TENM4: variants seen among roughly 807,000 people sequenced by gnomAD.
The protein encoded by TENM4 is teneurin transmembrane protein 4.
Under a neutral mutation model 243.3 loss-of-function variants are expected in TENM4, and 82 were observed. The ratio of observed to expected loss-of-function variants is 0.34; its 90% CI spans 0.28 to 0.40. The LOEUF (loss-of-function observed/expected upper bound fraction) is 0.40. TENM4 is among the 10% of genes least tolerant of loss of function. TENM4 has a pLI of 1.00. For synonymous variants in TENM4, 1,412 were observed against 1,456.3 expected (o/e 0.97, Z 0.69); for missense variants, 3,138 against 3,673.3 (o/e 0.85, Z 3.77).
intron 6 of TENM4, among the ~76,000 whole-genome samples, chr11:79,036,581 T>G (rs1412177494): frequency 1.3e-5 from 2 of 152,142 alleles, no homozygotes; most frequent in African/African-American, 4.8e-5. Context: ...GCTTTAGCCC[T>G]AAGTGGGGAA....
intron 3 of TENM4, among the ~76,000 whole-genome samples, chr11:79,187,435 C>A (rs900521690): frequency 1.3e-5 from 2 of 152,222 alleles, no homozygotes; most frequent in Non-Finnish European, 2.9e-5. Flanking sequence ...CCAGAAAGTG[C>A]TTCCTAAATA....
intron 6 of TENM4, among the ~76,000 whole-genome samples, chr11:79,044,775 A>C (rs764237982): frequency 4.6e-5 from 7 of 152,180 alleles, no homozygotes; most frequent in Non-Finnish European, 1.0e-4. Context: ...CTTGGGTTAA[A>C]ACGGAAAACA....
At chr11:78,981,470 C>T (rs969876082) in intron 6 of TENM4, among the ~76,000 whole-genome samples, 1 of 152,214 alleles carries the variant, frequency 6.6e-6, no homozygotes, top group Admixed American at 6.5e-5. Context: ...GCTAGCCACA[C>T]TGTGGTTATG....
At chr11:79,400,951 G>A (rs1858448660) in intron 1 of TENM4, among the ~76,000 whole-genome samples, 1 of 152,186 alleles carries the variant, frequency 6.6e-6, no homozygotes, top group Non-Finnish European at 1.5e-5. Context: ...GTCAGACTTG[G>A]GACAGCAGGT....
chr11:78,674,774 T>C (rs2135690511), intron 30 of TENM4, among the ~76,000 whole-genome samples: 1 of 152,232 alleles, frequency 6.6e-6, no homozygotes, highest in African/African-American at 2.4e-5. Flanking sequence ...CTCTTGGCTG[T>C]TGAGGGAACA....
intron 3 of TENM4, among the ~76,000 whole-genome samples, chr11:79,181,194 T>G (rs1048297851): frequency 6.6e-6 from 1 of 152,042 alleles, no homozygotes; most frequent in African/African-American, 2.4e-5. Flanking sequence ...AATCTTCAAC[T>G]AAATATTAGC....
At chr11:78,978,008 G>A (rs11237672) in intron 6 of TENM4, among the ~76,000 whole-genome samples, 11,423 of 152,176 alleles carry the variant, frequency 0.075, 1,159 homozygotes, top group African/African-American at 0.22. Flanking sequence ...TATACACCAT[G>A]GAATACTATG....
At chr11:78,702,724 C>A (rs749359297) in intron 27 of TENM4, among the ~76,000 whole-genome samples, 13 of 152,168 alleles carry the variant, frequency 8.5e-5, no homozygotes, top group Non-Finnish European at 1.8e-4. Flanking sequence ...CTACTTATGA[C>A]TGTGGGCAAG....
intron 1 of TENM4, among the ~76,000 whole-genome samples, chr11:79,378,551 C>T (rs1185955215): frequency 2.6e-5 from 4 of 152,146 alleles, no homozygotes; most frequent in African/African-American, 4.8e-5. Flanking sequence ...CCACACTCCA[C>T]CTTATGTCCA....
intron 4 of TENM4, among the ~76,000 whole-genome samples, chr11:79,140,353 T>C (rs377033165): frequency 6.6e-6 from 1 of 152,138 alleles, no homozygotes; most frequent in African/African-American, 2.4e-5. Flanking sequence ...TGCCCTTACT[T>C]TGATGGTCTG....
intron 1 of TENM4, among the ~76,000 whole-genome samples, chr11:79,321,880 T>C (rs1442357521): frequency 1.3e-5 from 2 of 152,232 alleles, no homozygotes; most frequent in South Asian, 2.1e-4. Context: ...TCCCTGTGCA[T>C]TGTGGGAATA....
intron 7 of TENM4, among the ~76,000 whole-genome samples, chr11:78,891,604 G>C (rs1360487996): frequency 6.6e-6 from 1 of 152,210 alleles, no homozygotes; most frequent in Non-Finnish European, 1.5e-5. Context: ...ACTGACATGT[G>C]TCCGGGACTG....
At chr11:79,027,340 C>A (rs1859106547) in intron 6 of TENM4, among the ~76,000 whole-genome samples, 1 of 152,192 alleles carries the variant, frequency 6.6e-6, no homozygotes, top group African/African-American at 2.4e-5. Context: ...TGATTCCCAT[C>A]TATATTTCTA....
chr11:79,304,258 A>T (rs1856592650), intron 1 of TENM4, among the ~76,000 whole-genome samples: 1 of 152,192 alleles, frequency 6.6e-6, no homozygotes, highest in Non-Finnish European at 1.5e-5. Context: ...CCCTGCTCAC[A>T]AAGTCCCAGG....
chr11:79,017,585 TG>T (rs3085846), intron 6 of TENM4, among the ~76,000 whole-genome samples: 1 of 151,288 alleles, frequency 6.6e-6, no homozygotes, highest in Non-Finnish European at 1.5e-5. Context: ...TTGGGAATGG[TG>T]GGGGGAGAAG....
rs75819769 is a variant in TENM4, at chr11:79,280,913, T to G, written c.-265+16575A>C. ...TGGCCCACTCGGCAAAATAAACACA[T>G]AAAATGAGGTGGTTTAACATCTTTT... On this transcript the variant is annotated intron_variant, in intron 2 of 33. Coordinates refer to ENST00000278550, the MANE Select transcript of TENM4 (RefSeq NM_001098816.3). Among the ~76,000 whole-genome samples the G allele has an allele frequency of 4.0e-3, 610 of 152,278 alleles. 5 individuals carry two copies. Among genetic ancestry groups the G allele is most frequent in the African/African-American group, 0.014 (577 of 41,580 alleles).
chr11:79,336,989 G>C (rs972610285), intron 1 of TENM4, among the ~76,000 whole-genome samples: 2 of 152,212 alleles, frequency 1.3e-5, no homozygotes, highest in African/African-American at 4.8e-5. Context: ...TCAAGGCACA[G>C]TCTCCCCAGG....
intron 6 of TENM4, among the ~76,000 whole-genome samples, chr11:78,995,976 G>T (rs1057168720): frequency 6.6e-6 from 1 of 152,106 alleles, no homozygotes; most frequent in Non-Finnish European, 1.5e-5. Flanking sequence ...AACTGAGATC[G>T]CTTATGTAAG....
chr11:78,968,407 CCTG>C (rs1463845068), intron 6 of TENM4, among the ~76,000 whole-genome samples: 1 of 152,216 alleles, frequency 6.6e-6, no homozygotes, highest in Non-Finnish European at 1.5e-5. Flanking sequence ...ACCTTGGCCA[CCTG>C]AGTAGCTGGG....
Sources: allele counts gnomAD v4.1 joint callset (sites outside exome capture counted in the v4.1 genomes callset), GRCh38; gene constraint gnomAD v4.1.1; transcripts MANE v1.5; gene names NCBI Gene and HGNC (gene_info 2026-07-23, HGNC 2026-07-21).